The following ZNF407 variants were observed in gnomAD, a reference collection of about 807,000 sequenced individuals.
The protein encoded by ZNF407 is zinc finger protein 407.
Under a neutral mutation model 131.2 loss-of-function variants are expected in ZNF407, and 17 were observed. The observed-to-expected ratio is 0.13, with a 90% CI of 0.09 to 0.19. The LOEUF (loss-of-function observed/expected upper bound fraction) is 0.19, where lower values mean the gene tolerates loss of function less well. Among genes scored for constraint, ZNF407 ranks in the 10% least tolerant of loss-of-function variants. The probability of loss-of-function intolerance (pLI) is 1.00; values close to 1 mark genes in which losing one functional copy is unlikely to be tolerated. For missense variants in ZNF407, 2,681 were observed against 2,830.6 expected, an observed-to-expected ratio of 0.95 and a Z score of 1.20; for synonymous variants, 1,156 against 1,062.0, an observed-to-expected ratio of 1.09 and a Z score of -1.72.
chr18:74,800,755 A>T (rs1234118961), intron 4 of ZNF407, among the ~76,000 whole-genome samples: 1 of 152,158 alleles, frequency 6.6e-6, no homozygotes, highest in Non-Finnish European at 1.5e-5. Context: ...GGTAGAATGG[A>T]AGCCCAGTGT....
At chr18:75,009,962 C>T (rs890304248) in intron 8 of ZNF407, among the ~76,000 whole-genome samples, 4 of 152,102 alleles carry the variant, frequency 2.6e-5, no homozygotes, top group Admixed American at 2.6e-4. Context: ...CAGTGCTGTC[C>T]TAGACTTAAG....
At chr18:74,623,008 CTGAA>C (rs566197854) in intron 1 of ZNF407, among the ~76,000 whole-genome samples, 31 of 146,756 alleles carry the variant, frequency 2.1e-4, no homozygotes, top group East Asian at 8.0e-4. Flanking sequence ...GTCTGTTAGT[CTGAA>C]TGTGAGTTGG....
At chr18:74,828,318 G>A (rs972226730) in intron 4 of ZNF407, among the ~76,000 whole-genome samples, 1 of 152,154 alleles carries the variant, frequency 6.6e-6, no homozygotes, top group Non-Finnish European at 1.5e-5. Context: ...CTTCAGTGGG[G>A]CCTCAACAAG....
chr18:74,656,670 G>A (rs1985473045), intron 3 of ZNF407, among the ~76,000 whole-genome samples: 1 of 151,828 alleles, frequency 6.6e-6, no homozygotes, highest in Admixed American at 6.6e-5. Flanking sequence ...TAAGGGACAG[G>A]GCAGGAGATC....
chr18:74,747,651 A>G (rs1337435010), intron 3 of ZNF407, among the ~76,000 whole-genome samples: 2 of 151,998 alleles, frequency 1.3e-5, no homozygotes, highest in African/African-American at 4.8e-5. Context: ...CATTGCTATT[A>G]TTTGCCAATA....
chr18:75,064,209 T>A lies in ZNF407; in HGVS notation c.6488T>A (p.Phe2163Tyr). Residue 2163 changes from phenylalanine (F) to tyrosine (Y), a missense_variant, in exon 9 of 9, where the codon TTC becomes TAC. Coordinates refer to ENST00000299687, the MANE Select transcript of ZNF407 (RefSeq NM_017757.3). Reference protein sequence around the residue: ...QAMVQESSGGFSEGTTHYILT... With the variant: ...QAMVQESSGGYSEGTTHYILT... ...ATGGTGCAGGAGTCCAGTGGCGGCT[T>A]CTCCGAGGGCACCACGCACTACATC... 6.2e-7 allele frequency: 1 copy of A among 1,605,644 alleles called. No individual in the cohort carries two copies. The highest frequency in any genetic ancestry group is 8.5e-7 in the Non-Finnish European group (1 of 1,177,406).
At chr18:75,053,086 CAT>C (rs1381314847) in intron 8 of ZNF407, among the ~76,000 whole-genome samples, 3 of 152,202 alleles carry the variant, frequency 2.0e-5, no homozygotes, top group African/African-American at 7.2e-5. Flanking sequence ...CCCCATGACA[CAT>C]GATTACCTTA....
intron 1 of ZNF407, among the ~76,000 whole-genome samples, chr18:74,609,492 G>T (rs1007800918): frequency 3.9e-5 from 6 of 152,122 alleles, no homozygotes; most frequent in Non-Finnish European, 8.8e-5. Context: ...TAGAAAAGGT[G>T]CAGTAAAAAT....
Position 74,631,879 on chromosome 18 carries a change from A to G in ZNF407, c.860A>G (p.Gln287Arg). The G allele has an allele frequency of 1.9e-6, 3 of 1,613,846 alleles. No individual in the cohort carries two copies. Among genetic ancestry groups the G allele is most frequent in the Non-Finnish European group, 2.5e-6 (3 of 1,179,872 alleles). The change falls in exon 2 of 9, where the codon CAA (glutamine) becomes CGA (arginine). Residue 287 changes from glutamine (Q) to arginine (R), a missense_variant. Around this residue, in one of 6 missense-constraint regions of ZNF407, gnomAD observed 1,789 missense variants for 1,748.7 expected, o/e 1.02. Transcript: ENST00000299687. Reference sequence around the variant, plus strand: ...GGATTTGTACAGATCTTAACAAAACAACCTTTTCCTAAAAAATCACGTACA... The same window carrying G: ...GGATTTGTACAGATCTTAACAAAACGACCTTTTCCTAAAAAATCACGTACA... Reference protein sequence around the residue: ...RGGFVQILTKQPFPKKSRTMA... With the variant: ...RGGFVQILTKRPFPKKSRTMA...
At chr18:74,724,288 A>AGGGT (rs1354371622) in intron 3 of ZNF407, among the ~76,000 whole-genome samples, 1 of 152,228 alleles carries the variant, frequency 6.6e-6, no homozygotes, top group Non-Finnish European at 1.5e-5. Context: ...TGTTCAAAGC[A>AGGGT]GGGTAATCAG....
intron 3 of ZNF407, among the ~76,000 whole-genome samples, chr18:74,751,508 G>T (rs1039624360): frequency 6.6e-6 from 1 of 151,988 alleles, no homozygotes; most frequent in Non-Finnish European, 1.5e-5. Flanking sequence ...ATCTTCTAAT[G>T]CTATCCCTCT....
At position 74,984,724 on chromosome 18, in the gene ZNF407, A is replaced by G. The variant is rs577609251; in HGVS notation, c.5428+64032A>G. Among the ~76,000 whole-genome samples, 3 of 152,356 alleles carry G rather than the reference A, an allele frequency of 2.0e-5. No individual in the cohort carries two copies. The South Asian group carries it at 6.2e-4, about 32-fold the overall frequency. On this transcript the variant is annotated intron_variant, in intron 8 of 8. Coordinates refer to ENST00000299687, the MANE Select transcript of ZNF407 (RefSeq NM_017757.3). ...GCTATGTTTGGGCAGAAATGCCACCATTAATTATAAAATGGAAATTTGTTG... is the reference window on the plus strand; with the variant it reads ...GCTATGTTTGGGCAGAAATGCCACCGTTAATTATAAAATGGAAATTTGTTG...
intron 3 of ZNF407, among the ~76,000 whole-genome samples, chr18:74,666,965 G>C (rs533401670): frequency 6.6e-6 from 1 of 152,124 alleles, no homozygotes; most frequent in African/African-American, 2.4e-5. Flanking sequence ...GCAGTTGTCC[G>C]CCCCGCCTTC....
chr18:75,017,695 C>G (rs1973061148), intron 8 of ZNF407, among the ~76,000 whole-genome samples: 1 of 152,140 alleles, frequency 6.6e-6, no homozygotes, highest in Non-Finnish European at 1.5e-5. Flanking sequence ...TTTCCTTCTT[C>G]CACCATGTGT....
At chr18:74,981,764 T>C (rs1972596309) in intron 8 of ZNF407, among the ~76,000 whole-genome samples, 1 of 152,232 alleles carries the variant, frequency 6.6e-6, no homozygotes, top group African/African-American at 2.4e-5. Flanking sequence ...GGTGGTTTCA[T>C]TTCAAATGTG....
intron 4 of ZNF407, among the ~76,000 whole-genome samples, chr18:74,840,162 G>C (rs985339685): frequency 1.3e-5 from 2 of 152,128 alleles, no homozygotes; most frequent in African/African-American, 4.8e-5. Flanking sequence ...ACACTTTCTT[G>C]GTCTTTCCCG....
At chr18:74,989,063 AG>A (rs1327212811) in intron 8 of ZNF407, among the ~76,000 whole-genome samples, 28 of 152,260 alleles carry the variant, frequency 1.8e-4, no homozygotes, top group Admixed American at 5.9e-4. Flanking sequence ...ATCGAAAGTT[AG>A]AAACAACTCA....
At chr18:74,637,020 T>C (rs935061940) in intron 2 of ZNF407, among the ~76,000 whole-genome samples, 2 of 152,204 alleles carry the variant, frequency 1.3e-5, no homozygotes, top group Non-Finnish European at 2.9e-5. Flanking sequence ...CTAATGGAGC[T>C]CTTTTTAGAA....
At chr18:74,919,276 T>C (rs1971814836) in intron 7 of ZNF407, among the ~76,000 whole-genome samples, 1 of 152,230 alleles carries the variant, frequency 6.6e-6, no homozygotes, top group African/African-American at 2.4e-5. Flanking sequence ...CCTTGACCAA[T>C]ATTTCCCAAG....
Sources: allele counts gnomAD v4.1 joint callset (sites outside exome capture counted in the v4.1 genomes callset), GRCh38; gene constraint gnomAD v4.1.1; regional missense constraint gnomAD v4.1.1; transcripts MANE v1.5; gene names NCBI Gene and HGNC (gene_info 2026-07-23, HGNC 2026-07-21).